The following SACS variants were observed in gnomAD, a reference collection of about 807,000 sequenced individuals.
SACS encodes sacsin.
SACS carries 197 observed loss-of-function variants against 348.0 expected under a neutral mutation model. That is an observed-to-expected ratio of 0.57 (90% CI 0.50 to 0.64). The LOEUF is 0.64. Ranked by LOEUF, SACS falls within the 30% of genes least tolerant of loss-of-function variation. The pLI, the probability that SACS is intolerant of heterozygous loss-of-function variation, is 0.00. For synonymous variants in SACS, 1,985 were observed against 1,910.6 expected (o/e 1.04, Z -1.02); for missense variants, 4,999 against 5,360.8 (o/e 0.93, Z 2.11).
intron 6 of SACS, among the ~76,000 whole-genome samples, chr13:23,364,321 G>A (rs1487826764): frequency 6.6e-6 from 1 of 152,184 alleles, no homozygotes; most frequent in Non-Finnish European, 1.5e-5. Context: ...TGACTTCAGA[G>A]GTATACTAAA....
intron 2 of SACS, among the ~76,000 whole-genome samples, chr13:23,397,562 C>T (rs2137916472): frequency 6.6e-6 from 1 of 152,232 alleles, no homozygotes; most frequent in Middle Eastern, 3.4e-3. Flanking sequence ...GAGTAATCCA[C>T]CTAGGAAACA....
chr13:23,375,598 C>G, intron 2 of SACS: 2 of 1,004,474 alleles, frequency 2.0e-6, no homozygotes, highest in Non-Finnish European at 2.4e-6. Flanking sequence ...AGGCGCCGCC[C>G]GCGGGGACAC....
At position 23,337,227 on chromosome 13, in the gene SACS, GA is replaced by G. The variant is rs1376747028; in HGVS notation, c.6648del (p.Pro2217HisfsTer3). On this transcript the variant is annotated frameshift_variant, in exon 10 of 10. Coordinates refer to ENST00000382292, the MANE Select transcript of SACS (RefSeq NM_014363.6). LOFTEE classifies it high-confidence loss of function. ...FAAKYQTIRF[L>X]PFLTKPAGFS... The stretch of plus-strand genomic sequence containing the variant: ...AAACCTGCTGGTTTTGTCAGAAATG[GA>G]AGGAAGCGGATTGTTTGATATTTTG... The G allele has an allele frequency of 6.2e-7, 1 of 1,613,928 alleles. No homozygotes were observed. The highest frequency in any genetic ancestry group is 1.7e-5 in the Admixed American group (1 of 60,016).
At chr13:23,418,887 C>T (rs552277372) in intron 1 of SACS, 3 of 152,246 alleles carry the variant, frequency 2.0e-5, no homozygotes, top group Non-Finnish European at 4.4e-5. Context: ...CGCCCTCTTC[C>T]TAGGAGAGTA....
At chr13:23,416,330 A>G (rs1452446790) in intron 1 of SACS, among the ~76,000 whole-genome samples, 1 of 152,090 alleles carries the variant, frequency 6.6e-6, no homozygotes, top group Non-Finnish European at 1.5e-5. Flanking sequence ...CAAAGAAAAT[A>G]GGAAATAAAG....
chr13:23,358,832 AT>A (rs2137745718), intron 6 of SACS, among the ~76,000 whole-genome samples: 1 of 152,340 alleles, frequency 6.6e-6, no homozygotes, highest in Admixed American at 6.5e-5. Flanking sequence ...TAAATGGAAA[AT>A]ATTTACCAAA....
Position 23,340,172 on chromosome 13 carries a change from T to C in SACS, c.3704A>G (p.Tyr1235Cys). 1.2e-6 allele frequency: 2 copies of C among 1,613,252 alleles called. No homozygotes were observed. Among genetic ancestry groups the C allele is most frequent in the South Asian group, 1.1e-5 (1 of 90,900 alleles). Residue 1235 changes from tyrosine (Y) to cysteine (C), a missense_variant, in exon 10 of 10, where the codon TAT becomes TGT. By Grantham distance (194) the Tyr-to-Cys change is radical. Around this residue, in one of 6 missense-constraint regions of SACS, gnomAD observed 3,156 missense variants for 3,380.1 expected, o/e 0.93. Transcript: ENST00000382292. ...LKHFKIVVDW[Y>C]SSKTFSDEDY... Reference sequence around the variant, plus strand: ...TTCATCACTAAAGGTTTTTGAAGAATACCAATCAACAACAATTTTAAAGTG... The same window carrying C: ...TTCATCACTAAAGGTTTTTGAAGAACACCAATCAACAACAATTTTAAAGTG...
chr13:23,368,590 G>A, intron 4 of SACS, 103 bp from the exon 5 acceptor site: 1 of 810,018 alleles, frequency 1.2e-6, no homozygotes. Flanking sequence ...TACAAGTTAT[G>A]GTTGCATATA....
chr13:23,423,860 GTT>G (rs1202719170), intron 1 of SACS, among the ~76,000 whole-genome samples: 2 of 152,112 alleles, frequency 1.3e-5, no homozygotes, highest in Non-Finnish European at 2.9e-5. Context: ...AAGAACCAGT[GTT>G]TTTGTTAAAC....
rs1057517311 is a variant in SACS at position 23,338,751 on chromosome 13, G to A, written c.5125C>T (p.Gln1709Ter). 3.7e-6 allele frequency: 6 copies of A among 1,610,826 alleles called. No individual in the cohort carries two copies. The highest frequency in any genetic ancestry group is 5.1e-6 in the Non-Finnish European group (6 of 1,179,074). ...TTTTTTTTAATTATTACTGTATCTTGTGCTAAACTGGGGTTGGTTTCCTCA... is the reference window on the plus strand; with the variant it reads ...TTTTTTTTAATTATTACTGTATCTTATGCTAAACTGGGGTTGGTTTCCTCA... Reference protein sequence around the residue: ...KIEETNPSLAQDTVIIKKKSC... With the variant: ...KIEETNPSLA The change falls in exon 10 of 10, where the codon CAA becomes TAA. Residue 1709 changes from glutamine to a stop codon, truncating the protein, a stop_gained. Transcript: ENST00000382292. LOFTEE classifies it high-confidence loss of function.
chr13:23,342,160 A>G (rs1201320019), intron 9 of SACS, among the ~76,000 whole-genome samples: 1 of 152,180 alleles, frequency 6.6e-6, no homozygotes, highest in Non-Finnish European at 1.5e-5. Context: ...TAATTTTTAA[A>G]TAATAGTGAT....
intron 2 of SACS, among the ~76,000 whole-genome samples, chr13:23,399,945 T>C (rs542487380): frequency 1.3e-5 from 2 of 152,116 alleles, no homozygotes; most frequent in Non-Finnish European, 2.9e-5. Flanking sequence ...CTAAAACCAA[T>C]ATATACTCTT....
chr13:23,384,482 T>A (rs892501830), intron 2 of SACS, among the ~76,000 whole-genome samples: 5 of 152,214 alleles, frequency 3.3e-5, no homozygotes, highest in Admixed American at 6.5e-5. Flanking sequence ...GAAAAGGAAG[T>A]CCTTCTTAAC....
intron 9 of SACS, among the ~76,000 whole-genome samples, chr13:23,345,109 GCA>G (rs970854760): frequency 6.6e-6 from 1 of 152,202 alleles, no homozygotes; most frequent in Non-Finnish European, 1.5e-5. Context: ...AAAGCTGTAA[GCA>G]CAGTGACAGT....
chr13:23,345,362 T>A (rs1390449418), intron 9 of SACS, among the ~76,000 whole-genome samples: 1 of 152,118 alleles, frequency 6.6e-6, no homozygotes, highest in Non-Finnish European at 1.5e-5. Context: ...TCCTGCCAGG[T>A]CAGACTCCCT....
rs1476256506 is a variant in SACS at position 23,381,354 on chromosome 13, A to AGC, written c.21-6087_21-6086dup. Among the ~76,000 whole-genome samples, 86 of 70,116 alleles carry AGC rather than the reference A, an allele frequency of 1.2e-3. 1 individual carries two copies. The highest frequency in any genetic ancestry group is 1.5e-3 in the Admixed American group (10 of 6,494). 46.0% of individuals were successfully genotyped at this position (70,116 alleles called of 152,430 possible). On this transcript the variant is annotated intron_variant, in intron 2 of 9. Transcript: ENST00000382292. ...GTCTGGCTGGACATGGGCAGCACGA[A>AGC]GCACACACACACACACACACACACA... is the stretch of plus-strand genomic sequence containing the variant.
intron 2 of SACS, among the ~76,000 whole-genome samples, chr13:23,391,492 C>T (rs977296361): frequency 2.0e-5 from 3 of 152,156 alleles, no homozygotes; most frequent in Non-Finnish European, 2.9e-5. Context: ...ATGCCTCCTG[C>T]AGCGTCACCA....
At chr13:23,357,615 GAC>G (rs1593147228) in intron 7 of SACS, among the ~76,000 whole-genome samples, 1 of 152,088 alleles carries the variant, frequency 6.6e-6, no homozygotes, top group African/African-American at 2.4e-5. Context: ...TCTCCTGCAA[GAC>G]ACAGTTTGAA....
rs1380763803 is a variant in SACS at position 23,335,727 on chromosome 13, G to T, written c.8149C>A (p.Pro2717Thr). 6.2e-7 allele frequency: 1 copy of T among 1,614,016 alleles called. No individual in the cohort carries two copies. Residue 2717 changes from proline (P) to threonine (T), a missense_variant, in exon 10 of 10, where the codon CCA (proline) becomes ACA (threonine). Physicochemically the swap from Pro to Thr is conservative, Grantham distance 38. Transcript: ENST00000382292. This position sits in a 1 kb window ranked among gnomAD's most constrained non-coding sequence, Gnocchi z 4.7. ...TTCTGGACCATTCTGTCTGATGCTG[G>T]AACAGACGAAATTTCCGAAACTTTT... The part of the protein sequence containing the change: ...MAKVSEISSV[P>T]ASDRMVQNLL...
Sources: gnomAD v4.1 joint callset for allele counts (sites outside exome capture counted in the v4.1 genomes callset) on GRCh38, gnomAD v4.1.1 for gene constraint, gnomAD v4.1.1 regional missense constraint, Gnocchi (gnomAD v3.1) non-coding constraint, MANE v1.5 for transcripts, NCBI Gene and HGNC (gene_info 2026-07-23, HGNC 2026-07-21) for gene names.